The following ACD variants were observed in gnomAD, a reference collection of about 807,000 sequenced individuals.
ACD encodes adrenocortical dysplasia protein homolog.
Under a neutral mutation model 53.9 loss-of-function variants are expected in ACD, and 39 were observed. That is an observed-to-expected ratio of 0.72 (90% CI 0.56 to 0.95). ACD has a LOEUF of 0.95. Ranked by LOEUF, ACD falls within the 40% of genes least tolerant of loss-of-function variation. ACD has a pLI of 0.00. For synonymous variants in ACD, 273 were observed against 249.2 expected, an observed-to-expected ratio of 1.10 and a Z score of -0.90; for missense variants, 526 against 587.9, an observed-to-expected ratio of 0.89 and a Z score of 1.09.
chr16:67,657,932 T>A lies in ACD; in HGVS notation c.1206+54A>T. 1 of 1,607,864 alleles carries A rather than the reference T, an allele frequency of 6.2e-7. No homozygotes were observed. The highest frequency in any genetic ancestry group is 1.1e-5 in the South Asian group (1 of 90,398). The stretch of plus-strand genomic sequence containing the variant: ...AAGGCTACCCATGCTCCCTCCCAGC[T>A]CTACCTCAGGCCTTCCTTGTTCTAC... On this transcript the variant is annotated intron_variant, in intron 10 of 11. Coordinates refer to ENST00000620761, the MANE Select transcript of ACD (RefSeq NM_001082486.2). This position sits in a 1 kb window ranked among gnomAD's most constrained non-coding sequence, Gnocchi z 4.5.
Position 67,659,014 on chromosome 16 carries a change from A to G in ACD, c.559T>C (p.Cys187Arg), listed in dbSNP as rs771799486. The G allele has an allele frequency of 1.6e-5, 26 of 1,613,820 alleles. No individual in the cohort carries two copies. The highest frequency in any genetic ancestry group is 1.6e-5 in the Non-Finnish European group (19 of 1,180,016). Reference sequence around the variant, plus strand: ...AGTGTCAGGCAGCTTTCAGCCAGGCACACGAGTGCCCCCTGATGCTCCTGG... The same window carrying G: ...AGTGTCAGGCAGCTTTCAGCCAGGCGCACGAGTGCCCCCTGATGCTCCTGG... ...EDQEHQGALV[C>R]LAESCLTLEG... The change falls in exon 7 of 12, where the codon TGC (cysteine) becomes CGC (arginine). Residue 187 changes from cysteine to arginine, a missense_variant. Coordinates refer to ENST00000620761, the MANE Select transcript of ACD (RefSeq NM_001082486.2).
intron 8 of ACD, 27 bp from the exon 9 acceptor site, chr16:67,658,668 C>T: frequency 2.5e-6 from 4 of 1,589,362 alleles, no homozygotes; most frequent in Non-Finnish European, 3.4e-6. Flanking sequence ...GTCTTATCAG[C>T]ACTGTGGACC....
In ACD at chr16:67,660,169, G is replaced by A. The variant is rs746541344; in HGVS notation, c.52C>T (p.Leu18=). 2 of 1,612,632 alleles carry A rather than the reference G, an allele frequency of 1.2e-6. No homozygotes were observed. The highest frequency in any genetic ancestry group is 1.1e-5 in the South Asian group (1 of 91,088). ...GGACTGGAGGGTGTCTCTGACCCCA[G>A]AATCAGCTCCCGAATCCAGGGCCGT... ...VLRPWIRELI[L]GSETPSSPRA... Residue 18 remains leucine (L), a synonymous_variant, in exon 1 of 12, where the codon CTG becomes TTG. Coordinates refer to ENST00000620761, the MANE Select transcript of ACD (RefSeq NM_001082486.2).
Position 67,659,097 on chromosome 16 carries a change from T to A in ACD, c.494-18A>T. ...TGATAGGCCTGGGGACAGGGGACCA[T>A]GGGATGAGTCAAGGCTTAAAGGGGA... On this transcript the variant is annotated intron_variant, in intron 6 of 11. Coordinates refer to ENST00000620761, the MANE Select transcript of ACD (RefSeq NM_001082486.2). 1 of 1,612,868 alleles carries A rather than the reference T, an allele frequency of 6.2e-7. No individual in the cohort carries two copies. The highest frequency in any genetic ancestry group is 1.1e-5 in the South Asian group (1 of 91,044).
intron 6 of ACD, 67 bp downstream of exon 6, chr16:67,659,162 G>A: frequency 6.2e-7 from 1 of 1,610,284 alleles, no homozygotes; most frequent in Non-Finnish European, 8.5e-7. Flanking sequence ...TATTGAGGAA[G>A]CATAAGGTTA....
Position 67,659,777 on chromosome 16 carries a change from G to A in ACD, c.261C>T (p.Gly87=). The part of the protein sequence containing the change: ...DTSDWEEKEF[G]FRGTEGRLLL... ...GCAGCCGGCCCTCTGTCCCGCGGAA[G>A]CCGAACTCCTTCTCCTCCCTGCAAC... Residue 87 remains glycine, a synonymous_variant, in exon 3 of 12, where the codon GGC becomes GGT. Transcript: ENST00000620761. 1 of 1,610,024 alleles carries A rather than the reference G, an allele frequency of 6.2e-7. No homozygotes were observed. Among genetic ancestry groups the A allele is most frequent in the Non-Finnish European group, 8.5e-7 (1 of 1,177,314 alleles).
chr16:67,657,690 A>G lies in ACD; in HGVS notation c.1299-6T>C. On this transcript the variant is annotated splice_polypyrimidine_tract_variant and splice_region_variant and intron_variant, in intron 11 of 11. Transcript: ENST00000620761. This position sits in a 1 kb window ranked among gnomAD's most constrained non-coding sequence, Gnocchi z 4.5. ...CCATGAGCTGGGGAGGAAGCCTGGA[A>G]AGAAACCACCGCTGCAGGTCAATGG... The G allele has an allele frequency of 6.2e-7, 1 of 1,614,136 alleles. No individual in the cohort carries two copies. The highest frequency in any genetic ancestry group is 1.3e-5 in the African/African-American group (1 of 75,064).
chr16:67,659,267 C>T lies in ACD; in HGVS notation c.459-4G>A, dbSNP rs375082471. ...GGTGGACTCTGAAAGGTGCTCCCTA[C>T]AGGAAGAGAGTGGCCAGGACTCAGG... On this transcript the variant is annotated splice_polypyrimidine_tract_variant and splice_region_variant and intron_variant, in intron 5 of 11. Transcript: ENST00000620761. 8 of 1,614,044 alleles carry T rather than the reference C, an allele frequency of 5.0e-6. No homozygotes were observed. The Admixed American group carries it at 1.2e-4, about 24-fold the overall frequency.
intron 5 of ACD, 56 bp from the exon 6 acceptor site, chr16:67,659,319 A>C (rs1043357805): frequency 6.2e-7 from 1 of 1,613,974 alleles, no homozygotes; most frequent in African/African-American, 1.3e-5. Context: ...GTCTACCTAG[A>C]TACACCATCC....
At position 67,657,998 on chromosome 16, in the gene ACD, G is replaced by A; in HGVS notation, c.1194C>T (p.Pro398=). 6.4e-7 allele frequency: 1 copy of A among 1,556,870 alleles called. No individual in the cohort carries two copies. Reference sequence around the variant, plus strand: ...GGGCTATGCTCACCCAGACAGAGCAGGGCTCCTGGGCTCCCCTGGTAGCTC... The same window carrying A: ...GGGCTATGCTCACCCAGACAGAGCAAGGCTCCTGGGCTCCCCTGGTAGCTC... ...RTGATRGAQE[P]CSVWEPPKRH... is the part of the protein sequence containing the mutation. Residue 398 remains proline, a synonymous_variant, in exon 10 of 12, where the codon CCC becomes CCT. Transcript: ENST00000620761. This position sits in a 1 kb window ranked among gnomAD's most constrained non-coding sequence, Gnocchi z 4.5.
rs376086019 is a variant in ACD, at chr16:67,658,982, G to A, written c.591C>T (p.Gly197=). ...GGGTGACAGGGGGTGCTGTGCAAGGGCCCTCCAGTGTCAGGCAGCTTTCAG... is the reference window on the plus strand; with the variant it reads ...GGGTGACAGGGGGTGCTGTGCAAGGACCCTCCAGTGTCAGGCAGCTTTCAG... ...CLAESCLTLE[G]PCTAPPVTHW... is the part of the protein sequence containing the mutation. Residue 197 remains glycine, a synonymous_variant, in exon 7 of 12, where the codon GGC becomes GGT. Coordinates refer to ENST00000620761, the MANE Select transcript of ACD (RefSeq NM_001082486.2). The A allele has an allele frequency of 6.1e-5, 99 of 1,613,752 alleles. 1 individual carries two copies. The South Asian group carries it at 1.0e-3, about 17-fold the overall frequency.
At chr16:67,660,074 C>G (rs376038080) in intron 1 of ACD, 29 bp from the exon 2 acceptor site, 28 of 1,610,168 alleles carry the variant, frequency 1.7e-5, no homozygotes, top group Non-Finnish European at 5.9e-6. Context: ...GTCAATCCCA[C>G]CACCCCGGGC....
chr16:67,659,921 G>T lies in ACD; in HGVS notation c.224C>A (p.Ala75Asp). 6.2e-7 allele frequency: 1 copy of T among 1,602,926 alleles called. No individual in the cohort carries two copies. Among genetic ancestry groups the T allele is most frequent in the Admixed American group, 1.7e-5 (1 of 59,584 alleles). ...CTCTCACCAGTCCGAGGTGTCCAGG[G>T]CCTCCCGCGTCACCAGGCATCGGAC... ...HSVRCLVTRE[A>D]LDTSDWEEKE... is the part of the protein sequence containing the mutation. Residue 75 changes from alanine (A) to aspartate (D), a missense_variant, in exon 2 of 12, where the codon GCC becomes GAC. Coordinates refer to ENST00000620761, the MANE Select transcript of ACD (RefSeq NM_001082486.2).
rs1783907452 is a variant in ACD, at chr16:67,658,289, G to C, written c.903C>G (p.Ser301=). 1 of 1,613,876 alleles carries C rather than the reference G, an allele frequency of 6.2e-7. No homozygotes were observed. Among genetic ancestry groups the C allele is most frequent in the African/African-American group, 1.3e-5 (1 of 75,054 alleles). The change falls in exon 10 of 12, where the codon TCC becomes TCG. Residue 301 remains serine, a synonymous_variant. Transcript: ENST00000620761. ...TCTGCCCTGGGTCTGGAGCAGCCAA[G>C]GACAGGGCAGGCAGAAGGCTGATGC... ...GTSISLLPAL[S]LAAPDPGQRS...
In ACD at chr16:67,658,929, G is replaced by C; in HGVS notation, c.644C>G (p.Thr215Arg). 6.2e-7 allele frequency: 1 copy of C among 1,613,516 alleles called. No individual in the cohort carries two copies. Among genetic ancestry groups the C allele is most frequent in the Non-Finnish European group, 8.5e-7 (1 of 1,179,742 alleles). The part of the protein sequence containing the change: ...THWAASRCKA[T>R]GEAVYTVPSS... ...TCCCAAGCAAATCCCCAGACTGACC[G>C]TGGCCTTGCATCGTGAGGCAGCCCA... The change falls in exon 7 of 12, where the codon ACG becomes AGG. Residue 215 changes from threonine to arginine, a missense_variant and splice_region_variant. By Grantham distance (71) the Thr-to-Arg change is moderately conservative. Transcript: ENST00000620761.
rs2052938756 is a variant in ACD at position 67,659,042 on chromosome 16, C to T, written c.531G>A (p.Glu177=). ...SLSQLLDEMR[E]DQEHQGALVC... is the part of the protein sequence containing the mutation. ...CGAGTGCCCCCTGATGCTCCTGGTC[C>T]TCCCGCATTTCATCCAGAAGCTGGG... The change falls in exon 7 of 12, where the codon GAG becomes GAA. Residue 177 remains glutamate (E), a synonymous_variant. Transcript: ENST00000620761. The T allele has an allele frequency of 6.2e-7, 1 of 1,613,836 alleles. No homozygotes were observed. Among genetic ancestry groups the T allele is most frequent in the African/African-American group, 1.3e-5 (1 of 74,926 alleles).
intron 9 of ACD, 53 bp from the exon 10 acceptor site, chr16:67,658,415 G>A: frequency 6.2e-7 from 1 of 1,611,718 alleles, no homozygotes; most frequent in Non-Finnish European, 8.5e-7. Context: ...CAGGGCAGCT[G>A]AGTGGCCTGC....
intron 4 of ACD, 58 bp from the exon 5 acceptor site, chr16:67,659,477 C>T (rs1481442861): frequency 6.2e-7 from 1 of 1,613,854 alleles, no homozygotes; most frequent in South Asian, 1.1e-5. Context: ...CCATAGGCGT[C>T]TGCCAGCGCC....
rs1050346 is a variant in ACD at position 67,657,647 on chromosome 16, G to A, written c.1336C>T (p.Leu446=). 511 of 1,614,176 alleles carry A rather than the reference G, an allele frequency of 3.2e-4. 1 individual carries two copies. In the African/African-American group the frequency reaches 6.2e-3, roughly 20 times the overall value. Reference sequence around the variant, plus strand: ...TCAGACCCTGGCTGTGCATCCATCAGAAAGTGCAAGGCCCAGGCCATGAGC... The same window carrying A: ...TCAGACCCTGGCTGTGCATCCATCAAAAAGTGCAAGGCCCAGGCCATGAGC... ...PQLMAWALHF[L]MDAQPGSEPT... Residue 446 remains leucine, a synonymous_variant, in exon 12 of 12, where the codon CTG becomes TTG. Coordinates refer to ENST00000620761, the MANE Select transcript of ACD (RefSeq NM_001082486.2). The surrounding 1 kb of genome is among the most constrained non-coding windows in gnomAD (Gnocchi z 4.5).
Sources: gnomAD v4.1 joint callset for allele counts on GRCh38, gnomAD v4.1.1 for gene constraint, Gnocchi (gnomAD v3.1) non-coding constraint, MANE v1.5 for transcripts, NCBI Gene and HGNC (gene_info 2026-07-23, HGNC 2026-07-21) for gene names.